The following BSCL2 variants were observed in gnomAD, a reference collection of about 807,000 sequenced individuals.
The protein encoded by BSCL2 is seipin.
BSCL2 carries 41 observed loss-of-function variants against 57.4 expected under a neutral mutation model. The ratio of observed to expected loss-of-function variants is 0.71; its 90% confidence interval spans 0.56 to 0.93. The LOEUF (loss-of-function observed/expected upper bound fraction) is 0.93, where lower values mean the gene tolerates loss of function less well. BSCL2 is among the 40% of genes least tolerant of loss of function. The pLI, the probability that BSCL2 is intolerant of heterozygous loss-of-function variation, is 0.00. For synonymous variants in BSCL2, 237 were observed against 227.3 expected, an observed-to-expected ratio of 1.04 and a Z score of -0.38; for missense variants, 539 against 586.7, an observed-to-expected ratio of 0.92 and a Z score of 0.84.
chr11:62,701,248 T>C lies in BSCL2; in HGVS notation c.486+1220A>G, dbSNP rs984621354. ...CATTGCTTACTTCACCTAGCAGATA[T>C]TGCTCACTTTACCTAGCAGATAAAT... On this transcript the variant is annotated intron_variant, in intron 3 of 10. Coordinates refer to ENST00000360796, the MANE Select transcript of BSCL2 (RefSeq NM_001122955.4). 7.9e-5 allele frequency among the ~76,000 whole-genome samples: 12 copies of C among 152,314 alleles called. No homozygotes were observed. The East Asian group carries it at 1.2e-3, about 15-fold the overall frequency.
At position 62,707,388 on chromosome 11, in the gene BSCL2, G is replaced by A; in HGVS notation, c.-193C>T. On this transcript the variant is annotated 5_prime_UTR_variant, in exon 1 of 11. Transcript: ENST00000360796. The stretch of plus-strand genomic sequence containing the variant: ...TCAGAGTAGAGGGAGGAAAGGAGGA[G>A]GGGGGCGACTGCCCAGCTGATGTCA... 1 of 709,722 alleles carries A rather than the reference G, an allele frequency of 1.4e-6. No homozygotes were observed. Among genetic ancestry groups the A allele is most frequent in the Non-Finnish European group, 2.6e-6 (1 of 392,094 alleles). 44.0% of individuals were successfully genotyped at this position (709,722 alleles called of 1,614,324 possible). A position where few individuals can be genotyped will look rare whatever the true frequency, so the allele number is the denominator to read the frequency against.
chr11:62,701,466 T>C (rs1043466619), intron 3 of BSCL2, among the ~76,000 whole-genome samples: 3 of 152,202 alleles, frequency 2.0e-5, no homozygotes, highest in Non-Finnish European at 4.4e-5. Context: ...CTATAGTTGA[T>C]TACAATCATC....
At chr11:62,708,701 G>A (rs1332473703), upstream of BSCL2, 3 of 1,613,882 alleles carry the variant, frequency 1.9e-6, no homozygotes, top group Admixed American at 1.7e-5. Context: ...CAGCAGACCT[G>A]ATGACTTACT....
At chr11:62,693,859 G>T (rs1449973822) in intron 4 of BSCL2, among the ~76,000 whole-genome samples, 2 of 151,936 alleles carry the variant, frequency 1.3e-5, no homozygotes, top group African/African-American at 4.8e-5. Context: ...TTGTTGCCCA[G>T]GCTGGAATGC....
chr11:62,698,264 T>C (rs1243995003), intron 3 of BSCL2, among the ~76,000 whole-genome samples: 1 of 151,808 alleles, frequency 6.6e-6, no homozygotes, highest in African/African-American at 2.4e-5. Flanking sequence ...AGTGGCATGA[T>C]GTCGGCTCAC....
At chr11:62,703,689 A>AT (rs1343202074) in intron 2 of BSCL2, among the ~76,000 whole-genome samples, 1 of 151,858 alleles carries the variant, frequency 6.6e-6, no homozygotes, top group Non-Finnish European at 1.5e-5. Context: ...CATAAGATCC[A>AT]TTTCCTAAAA....
At chr11:62,703,494 A>C (rs1038071713) in intron 2 of BSCL2, among the ~76,000 whole-genome samples, 4 of 151,026 alleles carry the variant, frequency 2.6e-5, no homozygotes, top group Non-Finnish European at 4.4e-5. Context: ...CTGGGACAAC[A>C]GGCGCCTGCC....
upstream of BSCL2, chr11:62,708,463 A>G: frequency 3.1e-6 from 4 of 1,294,356 alleles, no homozygotes; most frequent in Non-Finnish European, 4.5e-6. Flanking sequence ...CCCAAAGCTC[A>G]AGATAAGAGA....
intron 3 of BSCL2, among the ~76,000 whole-genome samples, chr11:62,702,043 T>G (rs557305613): frequency 3.0e-4 from 45 of 149,394 alleles, no homozygotes; most frequent in African/African-American, 1.0e-3. Flanking sequence ...TTTTAATTTC[T>G]TTTCCTTCAA....
chr11:62,695,933 G>C (rs1945447497), intron 3 of BSCL2, among the ~76,000 whole-genome samples: 1 of 151,880 alleles, frequency 6.6e-6, no homozygotes, highest in South Asian at 2.1e-4. Flanking sequence ...CCAGCACTTT[G>C]GGAGGCTGAG....
rs965927987 is a variant in BSCL2 at position 62,694,422 on chromosome 11, C to T, written c.630+146G>A. On this transcript the variant is annotated intron_variant, in intron 4 of 10. Coordinates refer to ENST00000360796, the MANE Select transcript of BSCL2 (RefSeq NM_001122955.4). ...GTTTCGCCATGTTGCCCAGGCCAGT[C>T]TTGAACTCCTGGGCTCAAGCGATCT... The T allele has an allele frequency of 9.0e-6, 11 of 1,225,620 alleles. No homozygotes were observed. The Admixed American group carries it at 9.6e-5, about 11-fold the overall frequency. The allele number at this position is 1,225,620 out of a possible 1,614,324, so 75.9% of individuals were successfully genotyped here.
chr11:62,704,788 G>T (rs545913541), intron 2 of BSCL2, among the ~76,000 whole-genome samples: 1 of 152,158 alleles, frequency 6.6e-6, no homozygotes, highest in Admixed American at 6.5e-5. Flanking sequence ...TGTAAAATGA[G>T]AAGGAACCTA....
At chr11:62,708,980 C>T, upstream of BSCL2, 3 of 633,968 alleles carry the variant, frequency 4.7e-6, no homozygotes, top group South Asian at 3.6e-5. Flanking sequence ...GACCCCATTT[C>T]CTACCACCTT....
At chr11:62,694,465 A>C (rs1945396359) in intron 4 of BSCL2, 103 bp downstream of exon 4, 1 of 1,573,034 alleles carries the variant, frequency 6.4e-7, no homozygotes, top group Admixed American at 1.7e-5. Context: ...TCGGCCTCCC[A>C]AACTGCTGGG....
chr11:62,703,344 TAC>T (rs1288630213), intron 2 of BSCL2, among the ~76,000 whole-genome samples: 1 of 137,670 alleles, frequency 7.3e-6, no homozygotes, highest in African/African-American at 2.6e-5. Flanking sequence ...GGCATGCATA[TAC>T]GTTTTTTTTT....
intron 3 of BSCL2, among the ~76,000 whole-genome samples, chr11:62,701,853 G>C (rs1419832765): frequency 6.6e-6 from 1 of 150,782 alleles, no homozygotes; most frequent in Non-Finnish European, 1.5e-5. Context: ...AAAAGAAAGA[G>C]AGTGAAAAAC....
chr11:62,699,715 G>A (rs1945584802), intron 3 of BSCL2, among the ~76,000 whole-genome samples: 1 of 126,700 alleles, frequency 7.9e-6, no homozygotes, highest in Non-Finnish European at 1.6e-5. Flanking sequence ...GTCTCGCTCT[G>A]TCACTCAGGC....
At chr11:62,694,034 G>A (rs1243142788) in intron 4 of BSCL2, among the ~76,000 whole-genome samples, 8 of 151,068 alleles carry the variant, frequency 5.3e-5, no homozygotes, top group South Asian at 4.2e-4. Context: ...GGCTGGTCTC[G>A]AACTCTGGAC....
chr11:62,691,939 C>A (rs2134693813), intron 6 of BSCL2, among the ~76,000 whole-genome samples: 1 of 152,052 alleles, frequency 6.6e-6, no homozygotes, highest in Non-Finnish European at 1.5e-5. Flanking sequence ...GTAGTCCCAG[C>A]TACTCAGGAA....
Sources: gnomAD v4.1 joint callset for allele counts (sites outside exome capture counted in the v4.1 genomes callset) on GRCh38, gnomAD v4.1.1 for gene constraint, MANE v1.5 for transcripts, NCBI Gene and HGNC (gene_info 2026-07-23, HGNC 2026-07-21) for gene names.